The following ABCC5 variants were observed in gnomAD, a reference collection of about 807,000 sequenced individuals.
ABCC5 encodes ATP-binding cassette sub-family C member 5.
Under a neutral mutation model 160.9 loss-of-function variants are expected in ABCC5, and 61 were observed. That is an observed-to-expected ratio of 0.38 (90% CI 0.31 to 0.47). The LOEUF is 0.47. Among genes scored for constraint, ABCC5 ranks in the 20% least tolerant of loss-of-function variants. The probability of loss-of-function intolerance (pLI) is 0.99; values close to 1 mark genes in which losing one functional copy is unlikely to be tolerated. For synonymous variants in ABCC5, 666 were observed against 700.6 expected, an observed-to-expected ratio of 0.95 and a Z score of 0.78; for missense variants, 1,308 against 1,813.3, an observed-to-expected ratio of 0.72 and a Z score of 5.06.
At chr3:183,940,921 C>T (rs1714278035) in intron 25 of ABCC5, among the ~76,000 whole-genome samples, 1 of 152,092 alleles carries the variant, frequency 6.6e-6, no homozygotes, top group Non-Finnish European at 1.5e-5. Flanking sequence ...GGCAATAGCG[C>T]AATCTCAGCT....
intron 1 of ABCC5, 123 bp from the exon 2 acceptor site, chr3:184,014,570 T>C (rs1040285832): frequency 2.2e-6 from 1 of 459,276 alleles, no homozygotes; most frequent in Non-Finnish European, 3.4e-6. Flanking sequence ...TCTACTGTTA[T>C]AGCTACAAAA....
rs762349750 is a variant in ABCC5, at chr3:183,984,788, G to A, written c.592-1781C>T. 3.8e-6 allele frequency: 6 copies of A among 1,560,440 alleles called. No homozygotes were observed. In the South Asian group the frequency reaches 5.8e-5, roughly 15 times the overall value. ...ATCCAAAATGTGGAACTGAGTCACA[G>A]GGCCAAAGCCCCCTTTTCCTCACGT... On this transcript the variant is annotated intron_variant, in intron 5 of 29. Transcript: ENST00000334444.
Position 183,960,254 on chromosome 3 carries a change from C to T in ABCC5, c.2380-419G>A, listed in dbSNP as rs570094154. On this transcript the variant is annotated intron_variant, in intron 16 of 29. Transcript: ENST00000334444. ...GTTCTGTAGGACCTCCATATTCTGG[C>T]CCTGCCCTAATCCTGCAAGCTCCTC... Among the ~76,000 whole-genome samples the T allele has an allele frequency of 1.6e-4, 24 of 152,290 alleles. No homozygotes were observed. In the South Asian group the frequency reaches 2.1e-3, roughly 13 times the overall value.
At chr3:183,956,983 CGTGTGT>C (rs1716091335) in intron 17 of ABCC5, among the ~76,000 whole-genome samples, 1 of 150,118 alleles carries the variant, frequency 6.7e-6, no homozygotes, top group East Asian at 2.0e-4. Flanking sequence ...CATGCGGATC[CGTGTGT>C]ACATCACATC....
chr3:183,988,703 A>G lies in ABCC5; in HGVS notation c.312T>C (p.Ala104=), dbSNP rs777465652. The change falls in exon 4 of 30, where the codon GCT becomes GCC. Residue 104 remains alanine (A), a synonymous_variant. Transcript: ENST00000334444. The surrounding 1 kb of genome is among the most constrained non-coding windows in gnomAD (Gnocchi z 4.4). ...TSKHQHPVDN[A]GLFSCMTFSW... ...AAAAAGTCATACAGGAAAAAAGCCCAGCATTGTCCACTGGGTGCTGGTGTC... is the reference window on the plus strand; with the variant it reads ...AAAAAGTCATACAGGAAAAAAGCCCGGCATTGTCCACTGGGTGCTGGTGTC... The G allele has an allele frequency of 6.2e-7, 1 of 1,614,192 alleles. No individual in the cohort carries two copies. Among genetic ancestry groups the G allele is most frequent in the Non-Finnish European group, 8.5e-7 (1 of 1,180,026 alleles).
chr3:183,974,634 CA>C (rs1290845079), intron 10 of ABCC5, among the ~76,000 whole-genome samples: 2 of 152,152 alleles, frequency 1.3e-5, no homozygotes, highest in African/African-American at 2.4e-5. Flanking sequence ...TCCAGAAAAA[CA>C]ATAATAATTT....
At chr3:183,985,623 C>A (rs1213426339) in intron 5 of ABCC5, 1 of 575,494 alleles carries the variant, frequency 1.7e-6, no homozygotes, top group South Asian at 1.7e-5. Flanking sequence ...TCTTTATACA[C>A]AGATCATAGG....
intron 10 of ABCC5, among the ~76,000 whole-genome samples, chr3:183,976,960 G>A (rs1418446296): frequency 6.6e-6 from 1 of 152,102 alleles, no homozygotes. Context: ...CACAGCCAAG[G>A]TATGATCAAC....
At position 183,965,423 on chromosome 3, in the gene ABCC5, T is replaced by A. The variant is rs1279724880; in HGVS notation, c.1912A>T (p.Thr638Ser). ...VAQQAWILNA[T>S]LRDNILFGKE... ...CCAAACAGGATGTTGTCTCTCAGAG[T>A]AGCATTGAGGATCCAGGCCTGCTGG... Residue 638 changes from threonine to serine, a missense_variant, in exon 13 of 30, where the codon ACT (threonine) becomes TCT (serine). Around this residue, in one of 3 missense-constraint regions of ABCC5, gnomAD observed 1,142 missense variants for 1,527.1 expected, o/e 0.75. Coordinates refer to ENST00000334444, the MANE Select transcript of ABCC5 (RefSeq NM_005688.4). 6.2e-7 allele frequency: 1 copy of A among 1,613,862 alleles called. No homozygotes were observed. Among genetic ancestry groups the A allele is most frequent in the Non-Finnish European group, 8.5e-7 (1 of 1,180,010 alleles).
chr3:183,996,580 G>T (rs749341279), intron 2 of ABCC5, among the ~76,000 whole-genome samples: 1 of 152,184 alleles, frequency 6.6e-6, no homozygotes, highest in African/African-American at 2.4e-5. Flanking sequence ...TGCCAGGCAA[G>T]TCTTCATTCC....
chr3:183,981,085 G>A (rs1409712614), intron 8 of ABCC5, among the ~76,000 whole-genome samples: 1 of 152,160 alleles, frequency 6.6e-6, no homozygotes, highest in Non-Finnish European at 1.5e-5. Flanking sequence ...TCCTGATGAG[G>A]TTATGGTCCA....
chr3:183,988,535 G>C lies in ABCC5; in HGVS notation c.443+37C>G. ...CTCCTAGCTCAGGCCCTGCCCACCC[G>C]GCATGGGGGAGATGAGGGTGGACCA... On this transcript the variant is annotated intron_variant, in intron 4 of 29. Coordinates refer to ENST00000334444, the MANE Select transcript of ABCC5 (RefSeq NM_005688.4). The surrounding 1 kb of genome is among the most constrained non-coding windows in gnomAD (Gnocchi z 4.4). The C allele has an allele frequency of 6.3e-7, 1 of 1,585,116 alleles. No individual in the cohort carries two copies. The highest frequency in any genetic ancestry group is 8.6e-7 in the Non-Finnish European group (1 of 1,168,706).
chr3:183,966,596 C>G (rs1717236664), intron 12 of ABCC5, among the ~76,000 whole-genome samples: 2 of 152,110 alleles, frequency 1.3e-5, no homozygotes, highest in Non-Finnish European at 2.9e-5. Flanking sequence ...CTTTCCTTCT[C>G]CCCCTCCCCC....
chr3:183,972,364 A>G lies in ABCC5; in HGVS notation c.1405-445T>C, dbSNP rs763950613. On this transcript the variant is annotated intron_variant, in intron 10 of 29. Transcript: ENST00000334444. ...GAATGCCAAAGCCTGCCCACTTCCC[A>G]CACTCACAGCGCCGCATGTATCTAG... Among the ~76,000 whole-genome samples the G allele has an allele frequency of 1.2e-4, 18 of 152,262 alleles. 1 individual carries two copies. In the Middle Eastern group the frequency reaches 0.02, roughly 173 times the overall value.
At chr3:184,012,377 A>G (rs1422054650) in intron 2 of ABCC5, among the ~76,000 whole-genome samples, 3 of 152,190 alleles carry the variant, frequency 2.0e-5, no homozygotes, top group Non-Finnish European at 4.4e-5. Context: ...TAGTTCTAAG[A>G]GCTAACATTT....
In ABCC5 at chr3:183,965,251, G is replaced by A; in HGVS notation, c.1965C>T (p.Asn655=). 1 of 1,614,262 alleles carries A rather than the reference G, an allele frequency of 6.2e-7. No homozygotes were observed. Among genetic ancestry groups the A allele is most frequent in the Non-Finnish European group, 8.5e-7 (1 of 1,180,042 alleles). The change falls in exon 14 of 30, where the codon AAC becomes AAT. Residue 655 remains asparagine, a synonymous_variant. Transcript: ENST00000334444. ...TCAGGCAGCAGCTGTTCAGCACAGA[G>A]TTGTATCTGGAGGACACAAAGAGAC... is the stretch of plus-strand genomic sequence containing the variant. ...FGKEYDEERY[N]SVLNSCCLRP...
Position 183,981,689 on chromosome 3 carries a change from C to A in ABCC5, c.1147+38G>T. 1.2e-6 allele frequency: 2 copies of A among 1,603,070 alleles called. 1 individual carries two copies. The highest frequency in any genetic ancestry group is 2.3e-5 in the South Asian group (2 of 88,248). ...TTATAAGACCCAAAGAATCCAAGGT[C>A]CTTCTACCACATGCACATACAAAAT... On this transcript the variant is annotated intron_variant, in intron 8 of 29. Coordinates refer to ENST00000334444, the MANE Select transcript of ABCC5 (RefSeq NM_005688.4).
intron 2 of ABCC5, among the ~76,000 whole-genome samples, chr3:183,990,272 A>T (rs537644867): frequency 5.9e-4 from 89 of 151,298 alleles, no homozygotes; most frequent in African/African-American, 2.1e-3. Context: ...ATGCCCAGCT[A>T]ATTTTTGTAT....
intron 2 of ABCC5, among the ~76,000 whole-genome samples, chr3:183,995,149 T>A (rs1004099141): frequency 1.3e-5 from 2 of 152,188 alleles, no homozygotes; most frequent in Non-Finnish European, 2.9e-5. Context: ...AATTTTTTTT[T>A]TTATTATTGA....
Sources: allele counts gnomAD v4.1 joint callset (sites outside exome capture counted in the v4.1 genomes callset), GRCh38; gene constraint gnomAD v4.1.1; regional missense constraint gnomAD v4.1.1; non-coding constraint Gnocchi (gnomAD v3.1); transcripts MANE v1.5; gene names NCBI Gene and HGNC (gene_info 2026-07-23, HGNC 2026-07-21).